Variants in GDPD1 observed in about 807,000 individuals in gnomAD.
GDPD1 encodes the protein lysophospholipase D GDPD1.
GDPD1 carries 28 observed loss-of-function variants against 45.1 expected under a neutral mutation model. The ratio of observed to expected loss-of-function variants is 0.62; its 90% CI spans 0.46 to 0.85. The LOEUF (loss-of-function observed/expected upper bound fraction) is 0.85, where lower values mean the gene tolerates loss of function less well. GDPD1 is among the 40% of genes least tolerant of loss of function. GDPD1 has a pLI of 0.00. For synonymous variants in GDPD1, 139 were observed against 131.4 expected, an observed-to-expected ratio of 1.06 and a Z score of -0.40; for missense variants, 256 against 364.8, an observed-to-expected ratio of 0.70 and a Z score of 2.43.
At chr17:59,272,987 C>T (rs1193279050) in intron 9 of GDPD1, 151 bp downstream of exon 9, 1 of 1,504,052 alleles carries the variant, frequency 6.6e-7, no homozygotes, top group Non-Finnish European at 8.9e-7. Flanking sequence ...TAAGCTCTTC[C>T]TTACACTTAG....
At chr17:59,244,283 A>G (rs1188301662) in intron 2 of GDPD1, among the ~76,000 whole-genome samples, 1 of 152,176 alleles carries the variant, frequency 6.6e-6, no homozygotes, top group Non-Finnish European at 1.5e-5. Context: ...GGGAGGGGCC[A>G]CATGTGCAGT....
At chr17:59,257,083 T>G (rs754056204) in intron 4 of GDPD1, 39 bp from the exon 5 acceptor site, 55 of 1,062,870 alleles carry the variant, frequency 5.2e-5, no homozygotes, top group Non-Finnish European at 7.5e-5. Flanking sequence ...AAGTAAAACT[T>G]ATATTTAAAA....
chr17:59,269,453 CA>C (rs1456789813), intron 7 of GDPD1, among the ~76,000 whole-genome samples: 4 of 149,870 alleles, frequency 2.7e-5, no homozygotes, highest in Non-Finnish European at 5.9e-5. Context: ...TCAGACAAAA[CA>C]ATAGAAAACG....
intron 7 of GDPD1, among the ~76,000 whole-genome samples, chr17:59,268,359 G>T (rs1056189680): frequency 6.6e-6 from 1 of 151,618 alleles, no homozygotes; most frequent in South Asian, 2.1e-4. Context: ...GGTGGATCAC[G>T]AGGTCAGGAG....
intron 3 of GDPD1, among the ~76,000 whole-genome samples, chr17:59,247,367 T>C (rs115519574): frequency 2.0e-5 from 3 of 152,322 alleles, no homozygotes; most frequent in African/African-American, 7.2e-5. Context: ...AAACATTCTG[T>C]GTTCTGCCTA....
intron 4 of GDPD1, among the ~76,000 whole-genome samples, chr17:59,255,762 A>AATATATATATATAT (rs1203946108): frequency 9.0e-5 from 4 of 44,352 alleles, no homozygotes; most frequent in South Asian, 8.0e-4. Flanking sequence ...AAAAAAAAAA[A>AATATATATATATAT]ATATATATAT....
intron 2 of GDPD1, among the ~76,000 whole-genome samples, chr17:59,237,099 G>C (rs1326057446): frequency 5.3e-5 from 8 of 151,672 alleles, no homozygotes; most frequent in Admixed American, 4.6e-4. Context: ...AGAAAAGACT[G>C]TTTAAACATA....
At chr17:59,265,743 C>T (rs1164142373) in intron 6 of GDPD1, among the ~76,000 whole-genome samples, 1 of 150,410 alleles carries the variant, frequency 6.6e-6, no homozygotes, top group Non-Finnish European at 1.5e-5. Context: ...ACAAAAAATA[C>T]CAAAAAAAGT....
chr17:59,259,408 A>G (rs1568348187), intron 6 of GDPD1, among the ~76,000 whole-genome samples: 1 of 151,826 alleles, frequency 6.6e-6, no homozygotes, highest in Non-Finnish European at 1.5e-5. Flanking sequence ...TGTACTAAAA[A>G]TACAAAAAAT....
chr17:59,272,124 T>C (rs979692723), intron 8 of GDPD1, among the ~76,000 whole-genome samples: 5 of 152,168 alleles, frequency 3.3e-5, no homozygotes, highest in Non-Finnish European at 5.9e-5. Context: ...GCATTGTTAA[T>C]TGGTGTTAAA....
intron 1 of GDPD1, among the ~76,000 whole-genome samples, chr17:59,231,159 A>T (rs911533820): frequency 1.3e-5 from 2 of 152,148 alleles, no homozygotes; most frequent in South Asian, 4.1e-4. Flanking sequence ...CAACTGCAAG[A>T]TTTTGTTACT....
At chr17:59,265,772 A>G (rs2047394172) in intron 6 of GDPD1, among the ~76,000 whole-genome samples, 1 of 150,504 alleles carries the variant, frequency 6.6e-6, no homozygotes, top group Non-Finnish European at 1.5e-5. Context: ...ATGGTGGCAC[A>G]CACCTGTAGT....
chr17:59,252,809 G>A (rs1046380557), intron 4 of GDPD1, among the ~76,000 whole-genome samples: 2 of 152,082 alleles, frequency 1.3e-5, no homozygotes, highest in Non-Finnish European at 2.9e-5. Context: ...AGACCAGCCT[G>A]GCCAACATGG....
intron 1 of GDPD1, among the ~76,000 whole-genome samples, chr17:59,223,437 C>G (rs1179406990): frequency 6.6e-6 from 1 of 152,180 alleles, no homozygotes; most frequent in East Asian, 1.9e-4. Flanking sequence ...AGATAAAACA[C>G]TTTGTAATTC....
intron 6 of GDPD1, among the ~76,000 whole-genome samples, chr17:59,261,968 A>G (rs1396053034): frequency 8.9e-6 from 1 of 112,442 alleles, no homozygotes; most frequent in Non-Finnish European, 1.6e-5. Flanking sequence ...CCCAGGCTGG[A>G]GTGCAGTGGC....
chr17:59,246,581 C>T (rs548693706), intron 3 of GDPD1, among the ~76,000 whole-genome samples: 29 of 151,054 alleles, frequency 1.9e-4, no homozygotes, highest in African/African-American at 6.1e-4. Flanking sequence ...TGTTGGCATG[C>T]GCCTGTAATC....
chr17:59,228,393 G>A (rs1279881181), intron 1 of GDPD1, among the ~76,000 whole-genome samples: 1 of 151,998 alleles, frequency 6.6e-6, no homozygotes, highest in Non-Finnish European at 1.5e-5. Flanking sequence ...CTTCTTTTAA[G>A]CAATTCATGG....
chr17:59,230,293 A>T (rs1178611036), intron 1 of GDPD1, among the ~76,000 whole-genome samples: 1 of 151,996 alleles, frequency 6.6e-6, no homozygotes, highest in Non-Finnish European at 1.5e-5. Context: ...GAAAAACTGC[A>T]TAAAGCTAAA....
intron 1 of GDPD1, among the ~76,000 whole-genome samples, chr17:59,233,708 T>G (rs1383380770): frequency 6.6e-6 from 1 of 152,098 alleles, no homozygotes; most frequent in Admixed American, 6.6e-5. Context: ...GTTAAGTACT[T>G]ATGTATGAAT....
Sources: allele counts gnomAD v4.1 joint callset (sites outside exome capture counted in the v4.1 genomes callset), GRCh38; gene constraint gnomAD v4.1.1; transcripts MANE v1.5; gene names NCBI Gene and HGNC (gene_info 2026-07-23, HGNC 2026-07-21).